Variants in CHRM2 observed in about 807,000 individuals in gnomAD.
The protein encoded by CHRM2 is cholinergic receptor muscarinic 2.
In CHRM2, 8 loss-of-function variants were observed where a neutral mutation model predicts 25.0. That is an observed-to-expected ratio of 0.32 (90% confidence interval 0.19 to 0.58). The LOEUF (loss-of-function observed/expected upper bound fraction) is 0.58. CHRM2 is among the 20% of genes least tolerant of loss of function. The pLI is 0.88. For synonymous variants in CHRM2, 202 were observed against 205.7 expected (o/e 0.98, Z 0.15); for missense variants, 440 against 567.1 (o/e 0.78, Z 2.28).
At chr7:137,011,215 G>GTGTGTGGGTGTATATATATA in intron 3 of CHRM2, among the ~76,000 whole-genome samples, 1 of 134,286 alleles carries the variant, frequency 7.4e-6, no homozygotes. Flanking sequence ...GTGTGTGTGT[G>GTGTGTGGGTGTATATATATA]TATATATATA....
At chr7:136,921,276 C>A (rs1363683715) in intron 2 of CHRM2, among the ~76,000 whole-genome samples, 1 of 152,124 alleles carries the variant, frequency 6.6e-6, no homozygotes, top group Non-Finnish European at 1.5e-5. Context: ...ATCCTGGGTG[C>A]CTGAAGTGTC....
chr7:136,912,742 A>T (rs1797909412), intron 2 of CHRM2, among the ~76,000 whole-genome samples: 1 of 152,002 alleles, frequency 6.6e-6, no homozygotes, highest in Admixed American at 6.6e-5. Flanking sequence ...ATTAATTACA[A>T]AAAGATAATT....
intron 2 of CHRM2, among the ~76,000 whole-genome samples, chr7:136,941,109 A>C (rs532536335): frequency 2.0e-5 from 3 of 152,292 alleles, no homozygotes; most frequent in African/African-American, 7.2e-5. Flanking sequence ...ACTTCATACC[A>C]CTAAGCTTTT....
chr7:136,969,229 T>C (rs1304377373), intron 2 of CHRM2, among the ~76,000 whole-genome samples: 1 of 152,156 alleles, frequency 6.6e-6, no homozygotes, highest in Non-Finnish European at 1.5e-5. Context: ...AAAAATAACT[T>C]GTTAATAATT....
intron 2 of CHRM2, among the ~76,000 whole-genome samples, chr7:136,924,756 C>A (rs1439537193): frequency 6.6e-6 from 1 of 152,138 alleles, no homozygotes; most frequent in East Asian, 1.9e-4. Context: ...TTCATCCTTG[C>A]CAACACTCTG....
intron 2 of CHRM2, among the ~76,000 whole-genome samples, chr7:136,937,771 A>G (rs1799503563): frequency 6.6e-6 from 1 of 152,198 alleles, no homozygotes; most frequent in African/African-American, 2.4e-5. Context: ...AAAAATAGAG[A>G]ATCACATCTT....
At chr7:136,981,146 C>G (rs1802458746) in intron 2 of CHRM2, among the ~76,000 whole-genome samples, 1 of 152,114 alleles carries the variant, frequency 6.6e-6, no homozygotes, top group Admixed American at 6.5e-5. Flanking sequence ...TTCAGGGATT[C>G]AACTTCTTCC....
chr7:136,959,057 T>C (rs898127356), intron 2 of CHRM2, among the ~76,000 whole-genome samples: 1 of 152,190 alleles, frequency 6.6e-6, no homozygotes, highest in Non-Finnish European at 1.5e-5. Context: ...CTGGAGACTC[T>C]GAACCTCTTC....
chr7:137,001,930 A>G (rs925622164), intron 3 of CHRM2, among the ~76,000 whole-genome samples: 3 of 152,208 alleles, frequency 2.0e-5, no homozygotes, highest in Admixed American at 6.5e-5. Context: ...GGTTCTTCAG[A>G]CAACCTAAGC....
At chr7:136,904,484 T>C (rs1405811114) in intron 2 of CHRM2, among the ~76,000 whole-genome samples, 3 of 151,854 alleles carry the variant, frequency 2.0e-5, no homozygotes, top group Non-Finnish European at 4.4e-5. Flanking sequence ...AAATTTATCT[T>C]TCCTTTCTTT....
intron 3 of CHRM2, among the ~76,000 whole-genome samples, chr7:137,012,337 A>G (rs1339412666): frequency 6.6e-6 from 1 of 152,062 alleles, no homozygotes; most frequent in Non-Finnish European, 1.5e-5. Flanking sequence ...AATTACCATG[A>G]ATATACAATT....
intron 2 of CHRM2, among the ~76,000 whole-genome samples, chr7:136,921,655 C>T (rs1205454807): frequency 6.6e-6 from 1 of 152,106 alleles, no homozygotes; most frequent in East Asian, 1.9e-4. Context: ...TCCCCACTGC[C>T]TTCTTGTCAC....
At chr7:136,928,969 A>T (rs1798899646) in intron 2 of CHRM2, among the ~76,000 whole-genome samples, 1 of 152,118 alleles carries the variant, frequency 6.6e-6, no homozygotes, top group African/African-American at 2.4e-5. Flanking sequence ...GAGGGTGTAA[A>T]GCGCTGTAAA....
chr7:136,912,262 AT>A (rs1797883124), intron 2 of CHRM2, among the ~76,000 whole-genome samples: 1 of 151,968 alleles, frequency 6.6e-6, no homozygotes. Context: ...AATCACTGGA[AT>A]TTGACTTTTT....
intron 2 of CHRM2, among the ~76,000 whole-genome samples, chr7:136,985,272 GA>G (rs1802771124): frequency 6.6e-6 from 1 of 152,142 alleles, no homozygotes; most frequent in Admixed American, 6.5e-5. Context: ...AGCACTTTGT[GA>G]GGCCAAGGTG....
intron 2 of CHRM2, among the ~76,000 whole-genome samples, chr7:136,893,131 T>G (rs539318353): frequency 1.3e-5 from 2 of 152,290 alleles, no homozygotes; most frequent in South Asian, 4.1e-4. Flanking sequence ...CTAACTGATT[T>G]GAAGTTGCCA....
Position 136,885,564 on chromosome 7 carries a change from C to T in CHRM2, c.-125+16146C>T, listed in dbSNP as rs538809275. 1.3e-4 allele frequency among the ~76,000 whole-genome samples: 20 copies of T among 152,322 alleles called. No homozygotes were observed. In the South Asian group the frequency reaches 3.9e-3, roughly 30 times the overall value. ...GCTTTATAAGTGACAGATATTAATG[C>T]ACTAGAAATGGTTATTTATTTATTC... On this transcript the variant is annotated intron_variant, in intron 2 of 3. Transcript: ENST00000680005.
At chr7:136,961,773 G>T (rs1006333701) in intron 2 of CHRM2, among the ~76,000 whole-genome samples, 4 of 152,078 alleles carry the variant, frequency 2.6e-5, no homozygotes, top group Admixed American at 2.6e-4. Flanking sequence ...AAAGGAAGGT[G>T]AGAGAAAGGG....
At chr7:136,898,524 T>A (rs897320848) in intron 2 of CHRM2, among the ~76,000 whole-genome samples, 1 of 151,906 alleles carries the variant, frequency 6.6e-6, no homozygotes, top group African/African-American at 2.4e-5. Context: ...TGTGTGTGTG[T>A]GTGTGTGTGT....
Sources: gnomAD v4.1 joint callset for allele counts (sites outside exome capture counted in the v4.1 genomes callset) on GRCh38, gnomAD v4.1.1 for gene constraint, MANE v1.5 for transcripts, NCBI Gene and HGNC (gene_info 2026-07-23, HGNC 2026-07-21) for gene names.